Variants in GRM4 observed in about 807,000 individuals in gnomAD.
The protein encoded by GRM4 is metabotropic glutamate receptor 4.
A neutral mutation model predicts 81.7 loss-of-function variants in GRM4; 28 were observed. The ratio of observed to expected loss-of-function variants is 0.34; its 90% CI spans 0.25 to 0.47. The LOEUF (loss-of-function observed/expected upper bound fraction) is 0.47, where lower values mean the gene tolerates loss of function less well. Among genes scored for constraint, GRM4 ranks in the 20% least tolerant of loss-of-function variants. The pLI is 1.00. For synonymous variants in GRM4, 488 were observed against 528.8 expected, an observed-to-expected ratio of 0.92 and a Z score of 1.06; for missense variants, 948 against 1,290.0, an observed-to-expected ratio of 0.73 and a Z score of 4.06.
Position 34,034,652 on chromosome 6 carries a change from G to C in GRM4, c.2442+1016C>G, listed in dbSNP as rs1764599740. On this transcript the variant is annotated intron_variant, in intron 9 of 10. Transcript: ENST00000538487. This position sits in a 1 kb window ranked among gnomAD's most constrained non-coding sequence, Gnocchi z 4.0. ...CCACACTCCTTACAGTGTATTAACT[G>C]TTTGTGCACCCACTGTGTCATGTGA... is the stretch of plus-strand genomic sequence containing the variant. Among the ~76,000 whole-genome samples the C allele has an allele frequency of 6.6e-6, 1 of 152,120 alleles. No homozygotes were observed. The highest frequency in any genetic ancestry group is 2.1e-4 in the South Asian group (1 of 4,822).
chr6:34,154,457 C>T (rs1338465881), intron 1 of GRM4, among the ~76,000 whole-genome samples: 2 of 152,158 alleles, frequency 1.3e-5, no homozygotes, highest in Non-Finnish European at 2.9e-5. Flanking sequence ...CTTCCCAGAC[C>T]GGAAGGAATG....
intron 2 of GRM4, among the ~76,000 whole-genome samples, chr6:34,110,491 C>A (rs1443414940): frequency 6.6e-6 from 1 of 151,928 alleles, no homozygotes; most frequent in Admixed American, 6.6e-5. Flanking sequence ...GCCTCACAGC[C>A]TTTGCATGTG....
chr6:34,102,041 C>T (rs1220713132), intron 2 of GRM4: 2 of 1,535,588 alleles, frequency 1.3e-6, no homozygotes, highest in African/African-American at 2.7e-5. Flanking sequence ...ACCCCCAAAG[C>T]ATGGCCCTGA....
At position 34,022,626 on chromosome 6, in the gene GRM4, G is replaced by A. The variant is rs373746975; in HGVS notation, c.*195C>T. The A allele has an allele frequency of 5.7e-3, 3,472 of 604,262 alleles. 26 individuals carry two copies. The highest frequency in any genetic ancestry group is 8.5e-3 in the Non-Finnish European group (2,848 of 336,688). 37.4% of individuals were successfully genotyped at this position (604,262 alleles called of 1,614,324 possible). A position where few individuals can be genotyped will look rare whatever the true frequency, so the allele number is the denominator to read the frequency against. Reference sequence around the variant, plus strand: ...TAGCCTGGCACCGCCCCGGCCCCTCGTCCTCCTGTTGCTCACCCGGTTTGC... The same window carrying A: ...TAGCCTGGCACCGCCCCGGCCCCTCATCCTCCTGTTGCTCACCCGGTTTGC... On this transcript the variant is annotated 3_prime_UTR_variant, in exon 11 of 11. Transcript: ENST00000538487. The surrounding 1 kb of genome is among the most constrained non-coding windows in gnomAD (Gnocchi z 5.6).
intron 2 of GRM4, among the ~76,000 whole-genome samples, chr6:34,124,223 C>T (rs1242664717): frequency 1.3e-5 from 2 of 152,200 alleles, no homozygotes; most frequent in Non-Finnish European, 2.9e-5. Flanking sequence ...AGATCAACTG[C>T]CAAGCAGAGT....
In GRM4 at chr6:34,110,816, C is replaced by T. The variant is rs186811870; in HGVS notation, c.520-18717G>A. The T allele has an allele frequency of 1.4e-4, 191 of 1,382,110 alleles. 1 individual carries two copies. In the East Asian group the frequency reaches 5.0e-3, roughly 36 times the overall value. 85.6% of individuals were successfully genotyped at this position (1,382,110 alleles called of 1,614,324 possible). A position where few individuals can be genotyped will look rare whatever the true frequency, so the allele number is the denominator to read the frequency against. On this transcript the variant is annotated intron_variant, in intron 2 of 10. Transcript: ENST00000538487. The stretch of plus-strand genomic sequence containing the variant: ...CCCAGGCTGCAGGCCATCTGTCTTG[C>T]CTGGCAGCTCTCCTCTGCCCAGCCT...
intron 5 of GRM4, among the ~76,000 whole-genome samples, chr6:34,057,575 G>T (rs1413191141): frequency 6.6e-6 from 1 of 152,242 alleles, no homozygotes; most frequent in African/African-American, 2.4e-5. Context: ...TCTACCCACT[G>T]GAGGCCAGCA....
At chr6:34,122,266 G>C (rs1489148577) in intron 2 of GRM4, among the ~76,000 whole-genome samples, 1 of 152,110 alleles carries the variant, frequency 6.6e-6, no homozygotes, top group African/African-American at 2.4e-5. Context: ...GGAAGAAAGA[G>C]ATGGGGTGGA....
intron 9 of GRM4, among the ~76,000 whole-genome samples, chr6:34,030,325 G>A (rs1315400267): frequency 6.6e-6 from 1 of 152,216 alleles, no homozygotes; most frequent in East Asian, 1.9e-4. Context: ...GGGGTTCTTG[G>A]AAATAGGGGT....
At chr6:34,148,536 C>T (rs1770987448), upstream of GRM4, among the ~76,000 whole-genome samples, 3 of 152,152 alleles carry the variant, frequency 2.0e-5, no homozygotes, top group South Asian at 4.1e-4. Context: ...GAGATGACCT[C>T]AAGGAGTCAT....
At chr6:34,027,469 C>T (rs1349924257) in intron 10 of GRM4, among the ~76,000 whole-genome samples, 1 of 152,140 alleles carries the variant, frequency 6.6e-6, no homozygotes, top group Non-Finnish European at 1.5e-5. Context: ...GTCCCCCAGA[C>T]AGGCAACTAC....
Position 34,022,874 on chromosome 6 carries a change from G to A in GRM4, c.2690-4C>T, listed in dbSNP as rs757864466. On this transcript the variant is annotated splice_region_variant and splice_polypyrimidine_tract_variant and intron_variant, in intron 10 of 10. Coordinates refer to ENST00000538487, the MANE Select transcript of GRM4 (RefSeq NM_000841.4). This position sits in a 1 kb window ranked among gnomAD's most constrained non-coding sequence, Gnocchi z 5.6. Reference sequence around the variant, plus strand: ...TAAGTCTGTTTGGTGGCCAGCGCTGGAAGGAGAGAGACCAGGGGTACCCAG... The same window carrying A: ...TAAGTCTGTTTGGTGGCCAGCGCTGAAAGGAGAGAGACCAGGGGTACCCAG... 1.2e-6 allele frequency: 2 copies of A among 1,613,174 alleles called. No individual in the cohort carries two copies. The highest frequency in any genetic ancestry group is 4.5e-5 in the East Asian group (2 of 44,884).
chr6:34,151,307 C>A (rs1322935380), intron 1 of GRM4, among the ~76,000 whole-genome samples: 3 of 152,172 alleles, frequency 2.0e-5, no homozygotes, highest in African/African-American at 7.2e-5. Context: ...GACTCTTTCT[C>A]CTCCTCCTTC....
chr6:34,122,397 C>T (rs1351785180), intron 2 of GRM4, among the ~76,000 whole-genome samples: 2 of 152,008 alleles, frequency 1.3e-5, no homozygotes, highest in East Asian at 1.9e-4. Flanking sequence ...AACAGCGCTG[C>T]GGGCCACCAC....
chr6:34,102,121 C>G (rs1354422082), intron 2 of GRM4: 1 of 1,535,632 alleles, frequency 6.5e-7, no homozygotes, highest in East Asian at 2.4e-5. Flanking sequence ...TTTGCACCAT[C>G]TTGCAGCCAG....
At chr6:34,123,150 C>T (rs1769883438) in intron 2 of GRM4, among the ~76,000 whole-genome samples, 1 of 152,186 alleles carries the variant, frequency 6.6e-6, no homozygotes, top group South Asian at 2.1e-4. Flanking sequence ...AGGACCTGGG[C>T]CACAGGTTGC....
At chr6:34,084,838 C>T (rs1767804122) in intron 3 of GRM4, among the ~76,000 whole-genome samples, 1 of 152,232 alleles carries the variant, frequency 6.6e-6, no homozygotes, top group African/African-American at 2.4e-5. Context: ...AAATACACCT[C>T]CTCCAAGCCC....
At position 34,110,099 on chromosome 6, in the gene GRM4, C is replaced by T. The variant is rs565721281; in HGVS notation, c.520-18000G>A. Among the ~76,000 whole-genome samples the T allele has an allele frequency of 7.9e-5, 12 of 152,240 alleles. No individual in the cohort carries two copies. In the East Asian group the frequency reaches 2.3e-3, roughly 29 times the overall value. ...ATTCCTTGAGCCCAGGAGTTCAAGA[C>T]CAGCCTGGGCAATACAGCAAGACTG... On this transcript the variant is annotated intron_variant, in intron 2 of 10. Coordinates refer to ENST00000538487, the MANE Select transcript of GRM4 (RefSeq NM_000841.4).
chr6:34,044,277 TACAC>T (rs764242535), intron 6 of GRM4, among the ~76,000 whole-genome samples: 1 of 99,308 alleles, frequency 1.0e-5, no homozygotes, highest in Non-Finnish European at 2.2e-5. Flanking sequence ...CATATACACA[TACAC>T]ACACACATAG....
Sources: gnomAD v4.1 joint callset for allele counts (sites outside exome capture counted in the v4.1 genomes callset) on GRCh38, gnomAD v4.1.1 for gene constraint, Gnocchi (gnomAD v3.1) non-coding constraint, MANE v1.5 for transcripts, NCBI Gene and HGNC (gene_info 2026-07-23, HGNC 2026-07-21) for gene names.